The following PTPRG variants were observed in gnomAD, a reference collection of about 807,000 sequenced individuals.
PTPRG encodes receptor-type tyrosine-protein phosphatase gamma.
A neutral mutation model predicts 165.3 loss-of-function variants in PTPRG; 102 were observed. The observed-to-expected ratio is 0.62, with a 90% CI of 0.53 to 0.73. PTPRG has a LOEUF of 0.73. Ranked by LOEUF, PTPRG falls within the 30% of genes least tolerant of loss-of-function variation. The pLI, the probability that PTPRG is intolerant of heterozygous loss-of-function variation, is 0.00. For missense variants in PTPRG, 1,866 were observed against 1,861.4 expected, an observed-to-expected ratio of 1.00 and a Z score of -0.05; for synonymous variants, 675 against 669.5, an observed-to-expected ratio of 1.01 and a Z score of -0.13.
chr3:62,274,297 G>C (rs575875338), intron 23 of PTPRG, among the ~76,000 whole-genome samples: 1 of 152,096 alleles, frequency 6.6e-6, no homozygotes, highest in Non-Finnish European at 1.5e-5. Flanking sequence ...CAATACTAGA[G>C]AAAAGTTAAC....
chr3:61,727,362 G>T (rs1312125368), intron 1 of PTPRG, among the ~76,000 whole-genome samples: 2 of 152,028 alleles, frequency 1.3e-5, no homozygotes, highest in Non-Finnish European at 2.9e-5. Context: ...TGGACGGTTG[G>T]CCAGGCTGGT....
chr3:61,580,702 AAAGT>A (rs1226118150), intron 1 of PTPRG, among the ~76,000 whole-genome samples: 1 of 152,228 alleles, frequency 6.6e-6, no homozygotes, highest in Non-Finnish European at 1.5e-5. Context: ...TATGTTAATA[AAAGT>A]AAGGGAAAAA....
In PTPRG at chr3:62,271,106, A is replaced by G. The variant is rs1260996452; in HGVS notation, c.3010-277A>G. 6.6e-6 allele frequency among the ~76,000 whole-genome samples: 1 copy of G among 150,592 alleles called. No homozygotes were observed. Among genetic ancestry groups the G allele is most frequent in the Non-Finnish European group, 1.5e-5 (1 of 67,232 alleles). On this transcript the variant is annotated intron_variant, in intron 20 of 29. Coordinates refer to ENST00000474889, the MANE Select transcript of PTPRG (RefSeq NM_002841.4). The surrounding 1 kb of genome is among the most constrained non-coding windows in gnomAD (Gnocchi z 4.1). ...TGCAGGAAAAGTACAAGTGCTTTGG[A>G]TAGTTCCAAATCCAAAAAAAACTGA... is the stretch of plus-strand genomic sequence containing the variant.
At chr3:62,143,941 A>G (rs897979375) in intron 6 of PTPRG, among the ~76,000 whole-genome samples, 1 of 152,230 alleles carries the variant, frequency 6.6e-6, no homozygotes, top group African/African-American at 2.4e-5. Flanking sequence ...CAGGGAAAAC[A>G]CAGAGAAAAG....
In PTPRG at chr3:61,996,263, A is replaced by G. The variant is rs370762538; in HGVS notation, c.370+6459A>G. ...AGTGAAATACATGAATGATTCCCCA[A>G]ATGTATTTCTGGGAGGGTTTCAAAC... On this transcript the variant is annotated intron_variant, in intron 3 of 29. Transcript: ENST00000474889. Among the ~76,000 whole-genome samples the G allele has an allele frequency of 5.2e-4, 79 of 152,252 alleles. No homozygotes were observed. The South Asian group carries it at 7.1e-3, about 14-fold the overall frequency.
intron 2 of PTPRG, among the ~76,000 whole-genome samples, chr3:61,766,664 T>G (rs112113077): frequency 2.3e-3 from 357 of 152,144 alleles, no homozygotes; most frequent in African/African-American, 8.1e-3. Flanking sequence ...TTGCCCAGAT[T>G]GGAGTGTGGT....
intron 8 of PTPRG, among the ~76,000 whole-genome samples, chr3:62,174,073 A>G (rs190250236): frequency 5.4e-4 from 82 of 152,332 alleles, no homozygotes; most frequent in Admixed American, 2.0e-3. Flanking sequence ...TTTGTCGGCA[A>G]ATAACTTAGA....
chr3:62,046,661 A>AT (rs946542835), intron 4 of PTPRG, among the ~76,000 whole-genome samples: 77 of 150,294 alleles, frequency 5.1e-4, no homozygotes, highest in African/African-American at 1.5e-3. Flanking sequence ...TTAGGTGCTG[A>AT]TTTTTTTTTT....
intron 4 of PTPRG, among the ~76,000 whole-genome samples, chr3:62,050,894 C>A (rs1467965560): frequency 6.6e-6 from 1 of 152,192 alleles, no homozygotes; most frequent in Non-Finnish European, 1.5e-5. Context: ...GAATACCTTT[C>A]TAAATATTTC....
At chr3:62,208,867 C>G (rs1429163701) in intron 12 of PTPRG, among the ~76,000 whole-genome samples, 1 of 152,224 alleles carries the variant, frequency 6.6e-6, no homozygotes, top group Non-Finnish European at 1.5e-5. Context: ...TGTCACTGAT[C>G]CTAGAGTACT....
At chr3:62,122,528 G>A (rs1703114856) in intron 5 of PTPRG, among the ~76,000 whole-genome samples, 2 of 152,344 alleles carry the variant, frequency 1.3e-5, no homozygotes, top group South Asian at 4.1e-4. Context: ...CTTAATTGCT[G>A]TGGATATGAA....
chr3:61,562,453 C>T, intron 1 of PTPRG, 81 bp downstream of exon 1: 2 of 1,387,388 alleles, frequency 1.4e-6, no homozygotes, highest in East Asian at 2.3e-5. Context: ...CGCGGAGCTC[C>T]GGCGCCCGTC....
intron 2 of PTPRG, among the ~76,000 whole-genome samples, chr3:61,765,299 G>C (rs562515872): frequency 6.6e-6 from 1 of 152,180 alleles, no homozygotes; most frequent in Non-Finnish European, 1.5e-5. Flanking sequence ...ACTTCTGGTC[G>C]TGGTGAAAAG....
chr3:61,594,764 C>T (rs934385966), intron 1 of PTPRG, among the ~76,000 whole-genome samples: 3 of 152,174 alleles, frequency 2.0e-5, no homozygotes, highest in African/African-American at 7.2e-5. Context: ...TTATATACTA[C>T]ACTAATAATC....
Position 62,089,122 on chromosome 3 carries a change from C to T in PTPRG, c.615+10864C>T, listed in dbSNP as rs190180425. On this transcript the variant is annotated intron_variant, in intron 5 of 29. Coordinates refer to ENST00000474889, the MANE Select transcript of PTPRG (RefSeq NM_002841.4). Reference sequence around the variant, plus strand: ...GATATGTCTCAACCCATCTGAAGCCCAGAACTTTTGTTCTTTGTCTTTTCT... The same window carrying T: ...GATATGTCTCAACCCATCTGAAGCCTAGAACTTTTGTTCTTTGTCTTTTCT... 5.5e-3 allele frequency among the ~76,000 whole-genome samples: 844 copies of T among 152,312 alleles called. 12 individuals are homozygous for T. Among genetic ancestry groups the T allele is most frequent in the African/African-American group, 0.019 (781 of 41,564 alleles).
intron 16 of PTPRG, among the ~76,000 whole-genome samples, chr3:62,260,612 A>C (rs1359023675): frequency 6.6e-6 from 1 of 152,210 alleles, no homozygotes; most frequent in East Asian, 1.9e-4. Context: ...AAACAAGCTT[A>C]AACTATTTAT....
rs76005290 is a variant in PTPRG, at chr3:62,047,133, G to A, written c.520-31030G>A. 7.5e-3 allele frequency among the ~76,000 whole-genome samples: 1,145 copies of A among 152,240 alleles called. 10 individuals carry two copies. Among genetic ancestry groups the A allele is most frequent in the African/African-American group, 0.026 (1,093 of 41,536 alleles). On this transcript the variant is annotated intron_variant, in intron 4 of 29. Transcript: ENST00000474889. ...ATCATAGTCTTTCTGGTTAAAACAT[G>A]CTGTGTGATATAACCCCATTTACTT...
chr3:62,135,678 A>T (rs1018200186), intron 6 of PTPRG, among the ~76,000 whole-genome samples: 2 of 152,168 alleles, frequency 1.3e-5, no homozygotes, highest in Non-Finnish European at 2.9e-5. Context: ...AGTGCAAGAA[A>T]GATTTTTGGC....
At chr3:62,124,501 C>T (rs1302481849) in intron 5 of PTPRG, 2 of 1,592,406 alleles carry the variant, frequency 1.3e-6, no homozygotes, top group East Asian at 2.2e-5. Flanking sequence ...TCATGTTTTA[C>T]AGCAGGCTCA....
Sources: allele counts gnomAD v4.1 joint callset (sites outside exome capture counted in the v4.1 genomes callset), GRCh38; gene constraint gnomAD v4.1.1; non-coding constraint Gnocchi (gnomAD v3.1); transcripts MANE v1.5; gene names NCBI Gene and HGNC (gene_info 2026-07-23, HGNC 2026-07-21).